The following EPB41L2 variants were observed in gnomAD, a reference collection of about 807,000 sequenced individuals.
EPB41L2 encodes band 4.1-like protein 2.
EPB41L2 carries 43 observed loss-of-function variants against 113.0 expected under a neutral mutation model. The observed-to-expected ratio is 0.38, with a 90% CI of 0.30 to 0.49. The LOEUF is 0.49. Ranked by LOEUF, EPB41L2 falls within the 20% of genes least tolerant of loss-of-function variation. EPB41L2 has a pLI of 0.95. For synonymous variants in EPB41L2, 442 were observed against 436.7 expected (o/e 1.01, Z -0.15); for missense variants, 1,147 against 1,223.4 (o/e 0.94, Z 0.93).
chr6:130,850,596 C>T (rs1242834045), intron 19 of EPB41L2, among the ~76,000 whole-genome samples: 3 of 152,054 alleles, frequency 2.0e-5, no homozygotes, highest in Non-Finnish European at 4.4e-5. Flanking sequence ...TATAAGTACA[C>T]ACATACACAC....
rs1411969597 is a variant in EPB41L2 at position 130,948,100 on chromosome 6, C to T, written c.705+7005G>A. The stretch of plus-strand genomic sequence containing the variant: ...AGCTTATTTCATCATGTCTTGTCCT[C>T]CAAAGTTCATTCTTATAATGGCAAT... On this transcript the variant is annotated intron_variant, in intron 3 of 19. Transcript: ENST00000337057. Among the ~76,000 whole-genome samples, 4 of 152,128 alleles carry T rather than the reference C, an allele frequency of 2.6e-5. No individual in the cohort carries two copies. In the East Asian group the frequency reaches 7.7e-4, roughly 29 times the overall value.
intron 4 of EPB41L2, among the ~76,000 whole-genome samples, chr6:130,922,806 C>T (rs1388504456): frequency 6.6e-6 from 1 of 152,088 alleles, no homozygotes; most frequent in East Asian, 1.9e-4. Flanking sequence ...AAGAAGTACT[C>T]CTGGTTACAA....
intron 4 of EPB41L2, among the ~76,000 whole-genome samples, chr6:130,910,989 T>C (rs1334159882): frequency 6.6e-6 from 1 of 152,178 alleles, no homozygotes; most frequent in Admixed American, 6.5e-5. Context: ...GCTCTAGAAC[T>C]AGAAACACCA....
chr6:130,966,080 A>G (rs1051851165), intron 1 of EPB41L2, among the ~76,000 whole-genome samples: 1 of 152,200 alleles, frequency 6.6e-6, no homozygotes, highest in Admixed American at 6.5e-5. Context: ...AAAGTTTACA[A>G]ATTTGTGTTG....
intron 1 of EPB41L2, among the ~76,000 whole-genome samples, chr6:130,960,155 G>T (rs1360968558): frequency 3.3e-5 from 5 of 152,114 alleles, no homozygotes; most frequent in Non-Finnish European, 5.9e-5. Context: ...GAACCACACA[G>T]CTGTGTATAC....
At chr6:130,863,560 G>A (rs536281846) in intron 18 of EPB41L2, 78 bp downstream of exon 18, 14 of 1,009,402 alleles carry the variant, frequency 1.4e-5, no homozygotes, top group Middle Eastern at 2.1e-4. Context: ...GGTTTACACA[G>A]GTATGCGACA....
intron 4 of EPB41L2, among the ~76,000 whole-genome samples, chr6:130,911,319 T>C (rs1799317264): frequency 6.6e-6 from 1 of 151,866 alleles, no homozygotes; most frequent in Non-Finnish European, 1.5e-5. Flanking sequence ...AGCTGAACAA[T>C]GAGAACACAT....
chr6:130,995,329 C>T (rs996729806), intron 1 of EPB41L2, among the ~76,000 whole-genome samples: 3 of 150,630 alleles, frequency 2.0e-5, no homozygotes, highest in African/African-American at 2.5e-5. Flanking sequence ...AGCGAGACTC[C>T]GTCTCAAAAA....
intron 14 of EPB41L2, among the ~76,000 whole-genome samples, chr6:130,872,145 A>G (rs1785912588): frequency 6.6e-6 from 1 of 151,900 alleles, no homozygotes; most frequent in South Asian, 2.1e-4. Context: ...TTATTCTCTG[A>G]ATTTAGGCAG....
chr6:131,053,434 T>TAAAAA (rs71030727), intron 1 of EPB41L2, among the ~76,000 whole-genome samples: 119 of 88,804 alleles, frequency 1.3e-3, no homozygotes, highest in Non-Finnish European at 1.7e-3. Context: ...ATGGAAATGA[T>TAAAAA]AAAAAAAAAA....
At chr6:131,037,400 A>G (rs771736161) in intron 1 of EPB41L2, among the ~76,000 whole-genome samples, 16 of 152,122 alleles carry the variant, frequency 1.1e-4, no homozygotes, top group Non-Finnish European at 1.9e-4. Context: ...CTGACATATG[A>G]GCTGTGCCTT....
chr6:130,933,705 C>G (rs1807742225), intron 3 of EPB41L2, among the ~76,000 whole-genome samples: 1 of 152,196 alleles, frequency 6.6e-6, no homozygotes, highest in African/African-American at 2.4e-5. Flanking sequence ...ACTGCAGATG[C>G]AGCCCAAGGA....
chr6:131,029,696 G>A (rs889961819), intron 1 of EPB41L2, among the ~76,000 whole-genome samples: 18 of 151,994 alleles, frequency 1.2e-4, no homozygotes, highest in Non-Finnish European at 2.9e-5. Flanking sequence ...CATTTACTTC[G>A]GAAAAACTTA....
chr6:130,963,369 C>T (rs543526393), intron 1 of EPB41L2, among the ~76,000 whole-genome samples: 42 of 152,238 alleles, frequency 2.8e-4, no homozygotes, highest in Non-Finnish European at 4.6e-4. Context: ...TCAAAGTATT[C>T]CATTTTTTCC....
intron 5 of EPB41L2, among the ~76,000 whole-genome samples, chr6:130,905,666 G>A (rs1018764296): frequency 8.6e-5 from 13 of 151,954 alleles, no homozygotes; most frequent in East Asian, 7.7e-4. Context: ...GCAATCTCCC[G>A]GCCTCAGCCT....
At chr6:131,007,299 C>G (rs760527252) in intron 1 of EPB41L2, among the ~76,000 whole-genome samples, 13 of 152,184 alleles carry the variant, frequency 8.5e-5, no homozygotes, top group South Asian at 4.1e-4. Context: ...CATTCTCTCT[C>G]CTGCCGCCCT....
At chr6:130,903,960 G>C (rs1205059328) in intron 6 of EPB41L2, among the ~76,000 whole-genome samples, 1 of 152,196 alleles carries the variant, frequency 6.6e-6, no homozygotes, top group African/African-American at 2.4e-5. Context: ...AATCTCCAAG[G>C]AGATGGAAAT....
At chr6:130,858,424 A>C in intron 18 of EPB41L2, 181 bp from the exon 19 acceptor site, 1 of 495,354 alleles carries the variant, frequency 2.0e-6, no homozygotes, top group South Asian at 2.6e-5. Flanking sequence ...ACTGCTTCTC[A>C]TTTCCTAAAT....
intron 19 of EPB41L2, among the ~76,000 whole-genome samples, chr6:130,855,622 C>T (rs1779989562): frequency 6.6e-6 from 1 of 151,946 alleles, no homozygotes; most frequent in Admixed American, 6.5e-5. Flanking sequence ...ATTTGTAAGA[C>T]CTCATTTGAT....
Sources: allele counts gnomAD v4.1 joint callset (sites outside exome capture counted in the v4.1 genomes callset), GRCh38; gene constraint gnomAD v4.1.1; transcripts MANE v1.5; gene names NCBI Gene and HGNC (gene_info 2026-07-23, HGNC 2026-07-21).